DCAF6: variants seen among roughly 807,000 people sequenced by gnomAD.
DCAF6 encodes the protein DDB1- and CUL4-associated factor 6.
DCAF6 carries 54 observed loss-of-function variants against 125.1 expected under a neutral mutation model. The ratio of observed to expected loss-of-function variants is 0.43; its 90% CI spans 0.35 to 0.54. The LOEUF (loss-of-function observed/expected upper bound fraction) is 0.54. Ranked by LOEUF, DCAF6 falls within the 20% of genes least tolerant of loss-of-function variation. The probability of loss-of-function intolerance (pLI) is 0.01; values close to 1 mark genes in which losing one functional copy is unlikely to be tolerated. For synonymous variants in DCAF6, 371 were observed against 390.4 expected, an observed-to-expected ratio of 0.95 and a Z score of 0.58; for missense variants, 934 against 1,161.7, an observed-to-expected ratio of 0.80 and a Z score of 2.85.
chr1:168,033,721 GT>G (rs1687442307), intron 12 of DCAF6, among the ~76,000 whole-genome samples: 1 of 152,130 alleles, frequency 6.6e-6, no homozygotes, highest in Non-Finnish European at 1.5e-5. Flanking sequence ...TGATGTTTAT[GT>G]GGTCATTGCT....
the DCAF6 span, among the ~76,000 whole-genome samples, chr1:167,927,229 A>C: frequency 6.6e-6 from 1 of 152,214 alleles, no homozygotes; most frequent in Non-Finnish European, 1.5e-5. Context: ...CCTTTATGCC[A>C]AGGATATATT....
the DCAF6 span, among the ~76,000 whole-genome samples, chr1:167,898,377 G>A: frequency 6.6e-6 from 1 of 151,962 alleles, no homozygotes; most frequent in African/African-American, 2.4e-5. Flanking sequence ...GAGGTGGGTG[G>A]ATCACGAAGT....
Position 168,063,776 on chromosome 1 carries a change from G to A in DCAF6, c.2439+17G>A. 1.9e-6 allele frequency: 3 copies of A among 1,589,902 alleles called. No individual in the cohort carries two copies. Among genetic ancestry groups the A allele is most frequent in the Non-Finnish European group, 2.6e-6 (3 of 1,172,080 alleles). On this transcript the variant is annotated intron_variant, in intron 18 of 21. Coordinates refer to ENST00000367840, the MANE Select transcript of DCAF6 (RefSeq NM_001198956.2). ...AGGACAATGGTACCAAATGTTCATG[G>A]CATTTTTTGGTGAAATTGCAGTTTC...
chr1:168,016,767 C>CTATA (rs1685030676), intron 11 of DCAF6, among the ~76,000 whole-genome samples: 1 of 151,942 alleles, frequency 6.6e-6, no homozygotes, highest in Non-Finnish European at 1.5e-5. Context: ...TATATAAATA[C>CTATA]TATAGTAGGT....
At position 168,060,938 on chromosome 1, in the gene DCAF6, T is replaced by A. The variant is rs559525301; in HGVS notation, c.2301-2683T>A. ...ATTTTTTTCTCATTTATAGCTCTTA[T>A]GTCCTTTGGCTTAGCAACACAGTTA... On this transcript the variant is annotated intron_variant, in intron 17 of 21. Transcript: ENST00000367840. Among the ~76,000 whole-genome samples the A allele has an allele frequency of 6.6e-5, 10 of 152,356 alleles. No individual in the cohort carries two copies. The East Asian group carries it at 1.5e-3, about 23-fold the overall frequency.
At chr1:167,965,011 A>T (rs983969189) in intron 2 of DCAF6, among the ~76,000 whole-genome samples, 2 of 152,202 alleles carry the variant, frequency 1.3e-5, no homozygotes, top group African/African-American at 2.4e-5. Context: ...CTGGTCTTAC[A>T]GTTCCAACAG....
At chr1:167,990,443 A>T (rs906265318) in intron 5 of DCAF6, among the ~76,000 whole-genome samples, 4 of 152,226 alleles carry the variant, frequency 2.6e-5, no homozygotes, top group African/African-American at 9.6e-5. Flanking sequence ...GGTAGATTAT[A>T]ACTCCATCTT....
chr1:168,057,590 A>G (rs1373321723), intron 17 of DCAF6, among the ~76,000 whole-genome samples: 1 of 152,178 alleles, frequency 6.6e-6, no homozygotes, highest in Non-Finnish European at 1.5e-5. Flanking sequence ...TGTTACTTCA[A>G]TAAACCTGTT....
intron 18 of DCAF6, among the ~76,000 whole-genome samples, chr1:168,064,813 T>G (rs1224064390): frequency 1.3e-5 from 2 of 152,220 alleles, no homozygotes; most frequent in East Asian, 3.8e-4. Context: ...AATCCTTGTT[T>G]GAAATACAAA....
At chr1:168,070,218 C>T (rs1692851913) in intron 21 of DCAF6, among the ~76,000 whole-genome samples, 4 of 151,932 alleles carry the variant, frequency 2.6e-5, no homozygotes, top group African/African-American at 9.7e-5. Flanking sequence ...GTCAGCTTAT[C>T]TTCTTGCTTC....
intron 2 of DCAF6, among the ~76,000 whole-genome samples, chr1:167,960,433 G>C (rs1675411725): frequency 6.6e-6 from 1 of 151,998 alleles, no homozygotes; most frequent in African/African-American, 2.4e-5. Context: ...CGAGTAGCTG[G>C]GATTACAGGC....
At chr1:168,031,457 A>T (rs1391187631) in intron 12 of DCAF6, among the ~76,000 whole-genome samples, 3 of 152,206 alleles carry the variant, frequency 2.0e-5, no homozygotes, top group African/African-American at 7.2e-5. Context: ...GCCCATTAGT[A>T]GAACACTTTC....
chr1:167,865,803 A>C, the DCAF6 span, among the ~76,000 whole-genome samples: 4 of 152,230 alleles, frequency 2.6e-5, no homozygotes, highest in Non-Finnish European at 5.9e-5. Flanking sequence ...GCTTGTGCAC[A>C]TGGCAGGCCA....
rs12409275 is a variant in DCAF6, at chr1:168,075,347, C to T, written c.2792-24C>T. ...TAATTACTAAAAGTATTTCTCTTTGCGATTCTCTTATCTGTGTTTCCAGAC... is the reference window on the plus strand; with the variant it reads ...TAATTACTAAAAGTATTTCTCTTTGTGATTCTCTTATCTGTGTTTCCAGAC... On this transcript the variant is annotated intron_variant, in intron 21 of 21. Coordinates refer to ENST00000367840, the MANE Select transcript of DCAF6 (RefSeq NM_001198956.2). 10 of 1,576,792 alleles carry T rather than the reference C, an allele frequency of 6.3e-6. No homozygotes were observed. The Admixed American group carries it at 1.4e-4, about 22-fold the overall frequency.
chr1:167,916,051 C>T, the DCAF6 span, among the ~76,000 whole-genome samples: 2 of 152,044 alleles, frequency 1.3e-5, no homozygotes, highest in Non-Finnish European at 2.9e-5. Context: ...CTATACTAAT[C>T]GATTTGCACC....
At chr1:167,896,629 G>A in the DCAF6 span, 5 of 1,613,768 alleles carry the variant, frequency 3.1e-6, no homozygotes, top group Middle Eastern at 1.7e-4. Flanking sequence ...AATGCATGAA[G>A]GTCGTACACT....
chr1:167,916,213 G>A, the DCAF6 span, among the ~76,000 whole-genome samples: 1 of 98,838 alleles, frequency 1.0e-5, no homozygotes, highest in African/African-American at 5.6e-5. Context: ...GATACATATT[G>A]TTACTTTTTG....
the DCAF6 span, among the ~76,000 whole-genome samples, chr1:167,865,938 T>A: frequency 3.3e-5 from 5 of 152,202 alleles, no homozygotes; most frequent in Non-Finnish European, 7.3e-5. Flanking sequence ...CTCTCTGCTA[T>A]CCCTGTGGGT....
chr1:167,993,609 C>T (rs759868124), intron 7 of DCAF6, among the ~76,000 whole-genome samples, 169 bp downstream of exon 7: 3 of 152,092 alleles, frequency 2.0e-5, no homozygotes, highest in South Asian at 2.1e-4. Flanking sequence ...ATTAGCTGAG[C>T]GTGGTGGCAC....
Sources: gnomAD v4.1 joint callset for allele counts (sites outside exome capture counted in the v4.1 genomes callset) on GRCh38, gnomAD v4.1.1 for gene constraint, MANE v1.5 for transcripts, NCBI Gene and HGNC (gene_info 2026-07-23, HGNC 2026-07-21) for gene names.